The following FAM149B1 variants were observed in gnomAD, a reference collection of about 807,000 sequenced individuals.
FAM149B1 encodes family with sequence similarity 149 member B1.
In FAM149B1, 56 loss-of-function variants were observed where a neutral mutation model predicts 75.3. That is an observed-to-expected ratio of 0.74 (90% CI 0.60 to 0.93). The LOEUF (loss-of-function observed/expected upper bound fraction) is 0.93. Among genes scored for constraint, FAM149B1 ranks in the 40% least tolerant of loss-of-function variants. The pLI, the probability that FAM149B1 is intolerant of heterozygous loss-of-function variation, is 0.00. For synonymous variants in FAM149B1, 259 were observed against 256.1 expected (o/e 1.01, Z -0.11); for missense variants, 639 against 708.4 (o/e 0.90, Z 1.11).
rs2043661131 is a variant in FAM149B1 at position 73,230,455 on chromosome 10, A to C, written c.1057A>C (p.Asn353His). ...CTGTCAAGCAAGCAGACATCAGCCA[A>C]ATGTGAATGATCTCTTGGTTCATGG... ...SLCQASRHQP[N>H]VNDLLVHGMP... Residue 353 changes from asparagine (N) to histidine (H), a missense_variant, in exon 9 of 14, where the codon AAT becomes CAT. Transcript: ENST00000242505. The C allele has an allele frequency of 6.5e-7, 1 of 1,549,872 alleles. No individual in the cohort carries two copies. The highest frequency in any genetic ancestry group is 8.7e-7 in the Non-Finnish European group (1 of 1,145,112).
At chr10:73,206,514 G>C (rs1484259462) in intron 5 of FAM149B1, among the ~76,000 whole-genome samples, 1 of 152,210 alleles carries the variant, frequency 6.6e-6, no homozygotes, top group African/African-American at 2.4e-5. Flanking sequence ...TAATAGCCAA[G>C]ACAATGGGAA....
chr10:73,180,905 C>A (rs2133310999), intron 3 of FAM149B1, among the ~76,000 whole-genome samples: 1 of 152,020 alleles, frequency 6.6e-6, no homozygotes, highest in African/African-American at 2.4e-5. Flanking sequence ...CAATCCTCAC[C>A]CCCCCACTAC....
intron 7 of FAM149B1, among the ~76,000 whole-genome samples, chr10:73,221,228 A>G (rs921140497): frequency 6.6e-6 from 1 of 152,218 alleles, no homozygotes; most frequent in Non-Finnish European, 1.5e-5. Context: ...GAAACCACTG[A>G]ACTGCATACT....
chr10:73,231,795 T>C (rs1460632259), intron 9 of FAM149B1, among the ~76,000 whole-genome samples: 1 of 152,074 alleles, frequency 6.6e-6, no homozygotes, highest in African/African-American at 2.4e-5. Flanking sequence ...AGGTCGGATC[T>C]AGAGACCAAT....
chr10:73,227,507 G>A (rs950318601), intron 7 of FAM149B1, among the ~76,000 whole-genome samples: 1 of 152,086 alleles, frequency 6.6e-6, no homozygotes, highest in Non-Finnish European at 1.5e-5. Context: ...TGCTGTTTCT[G>A]CCTGCTCTTT....
intron 9 of FAM149B1, among the ~76,000 whole-genome samples, chr10:73,231,988 G>C (rs2043714756): frequency 6.6e-6 from 1 of 151,784 alleles, no homozygotes; most frequent in African/African-American, 2.4e-5. Flanking sequence ...CAGTCTCCAG[G>C]TTTAGCCCTG....
chr10:73,190,158 G>A, intron 3 of FAM149B1, among the ~76,000 whole-genome samples: 1 of 151,696 alleles, frequency 6.6e-6, no homozygotes, highest in East Asian at 1.9e-4. Context: ...GAGACATGGA[G>A]GATGGATTAA....
At chr10:73,171,029 G>A (rs1843688635) in intron 1 of FAM149B1, among the ~76,000 whole-genome samples, 1 of 150,884 alleles carries the variant, frequency 6.6e-6, no homozygotes. Context: ...GTGCAGTGGT[G>A]CCATCTTGGC....
chr10:73,168,434 C>G lies in FAM149B1; in HGVS notation c.47+48C>G, dbSNP rs763470908. On this transcript the variant is annotated intron_variant, in intron 1 of 13. Transcript: ENST00000242505. ...CCAGCCGGGGCGGGCGGCGGGCGCT[C>G]TGGGGACCCTCCTTGACCAGTCCTT... The G allele has an allele frequency of 3.2e-6, 5 of 1,545,848 alleles. No homozygotes were observed. In the South Asian group the frequency reaches 4.8e-5, roughly 15 times the overall value.
chr10:73,204,892 C>G lies in FAM149B1; in HGVS notation c.543-3727C>G, dbSNP rs1173398159. 5.6e-5 allele frequency among the ~76,000 whole-genome samples: 8 copies of G among 142,698 alleles called. No homozygotes were observed. In the East Asian group the frequency reaches 1.2e-3, roughly 22 times the overall value. The allele number at this position is 142,698 out of a possible 152,430, so 93.6% of individuals were successfully genotyped here. A position where few individuals can be genotyped will look rare whatever the true frequency, so the allele number is the denominator to read the frequency against. On this transcript the variant is annotated intron_variant, in intron 5 of 13. Coordinates refer to ENST00000242505, the MANE Select transcript of FAM149B1 (RefSeq NM_173348.2). Reference sequence around the variant, plus strand: ...TCCTGGGTTCACGCCATTTTCCTGCCTCAGCCTCCCAAAGTGCTGGGACTA... The same window carrying G: ...TCCTGGGTTCACGCCATTTTCCTGCGTCAGCCTCCCAAAGTGCTGGGACTA...
At chr10:73,235,092 T>C (rs2043792723) in intron 11 of FAM149B1, 101 bp from the exon 12 acceptor site, 1 of 1,442,342 alleles carries the variant, frequency 6.9e-7, no homozygotes, top group African/African-American at 1.4e-5. Context: ...TGGAGCTGTT[T>C]GGCCTGCACT....
chr10:73,241,738 T>C lies in FAM149B1; in HGVS notation c.*719T>C, dbSNP rs1275170767. 1 of 152,242 alleles carries C rather than the reference T, an allele frequency of 6.6e-6. No homozygotes were observed. The highest frequency in any genetic ancestry group is 1.5e-5 in the Non-Finnish European group (1 of 68,060). 9.4% of individuals were successfully genotyped at this position (152,242 alleles called of 1,614,324 possible). A position where few individuals can be genotyped will look rare whatever the true frequency, so the allele number is the denominator to read the frequency against. Reference sequence around the variant, plus strand: ...CTTTTTTCCAAATATTAAATGCACCTTGCCAGATATTCTCCTGCAGCTCTA... The same window carrying C: ...CTTTTTTCCAAATATTAAATGCACCCTGCCAGATATTCTCCTGCAGCTCTA... On this transcript the variant is annotated 3_prime_UTR_variant, in exon 14 of 14. Transcript: ENST00000242505.
chr10:73,219,296 T>C (rs1358830738), intron 7 of FAM149B1, among the ~76,000 whole-genome samples: 1 of 151,854 alleles, frequency 6.6e-6, no homozygotes, highest in East Asian at 1.9e-4. Flanking sequence ...GTTTACGGAG[T>C]TGAAGGCTTA....
At chr10:73,216,438 T>C (rs2043300675) in intron 7 of FAM149B1, among the ~76,000 whole-genome samples, 1 of 152,214 alleles carries the variant, frequency 6.6e-6, no homozygotes, top group African/African-American at 2.4e-5. Flanking sequence ...GTCATATTGA[T>C]GATTGTTTTT....
chr10:73,169,594 C>T (rs1383260528), intron 1 of FAM149B1, among the ~76,000 whole-genome samples: 2 of 151,704 alleles, frequency 1.3e-5, no homozygotes, highest in Non-Finnish European at 2.9e-5. Flanking sequence ...GTAGCTGAGA[C>T]TACAGGTGCA....
intron 7 of FAM149B1, among the ~76,000 whole-genome samples, chr10:73,223,210 C>A (rs1450470502): frequency 8.1e-6 from 1 of 123,662 alleles, no homozygotes; most frequent in African/African-American, 3.2e-5. Flanking sequence ...TTCTTTCAGT[C>A]AGCTACTTAA....
At chr10:73,171,117 C>G (rs573191585) in intron 1 of FAM149B1, among the ~76,000 whole-genome samples, 79 of 152,222 alleles carry the variant, frequency 5.2e-4, no homozygotes, top group African/African-American at 1.8e-3. Flanking sequence ...ACATGCCCAG[C>G]TAATTTTTGT....
At chr10:73,173,024 CAG>C (rs1441446093) in intron 1 of FAM149B1, among the ~76,000 whole-genome samples, 1 of 151,996 alleles carries the variant, frequency 6.6e-6, no homozygotes, top group African/African-American at 2.4e-5. Context: ...GAGGCTGAGA[CAG>C]AAGAATCCCT....
At chr10:73,239,282 A>C in intron 12 of FAM149B1, 30 bp from the exon 13 acceptor site, 2 of 1,531,486 alleles carry the variant, frequency 1.3e-6, no homozygotes, top group Non-Finnish European at 1.8e-6. Flanking sequence ...AAGATGCATC[A>C]TAAGAAGTGT....
Sources: allele counts gnomAD v4.1 joint callset (sites outside exome capture counted in the v4.1 genomes callset), GRCh38; gene constraint gnomAD v4.1.1; transcripts MANE v1.5; gene names NCBI Gene and HGNC (gene_info 2026-07-23, HGNC 2026-07-21).